Variants in NSMCE2 observed in about 807,000 individuals in gnomAD.
NSMCE2 encodes the protein E3 SUMO-protein ligase NSE2.
In NSMCE2, 24 loss-of-function variants were observed where a neutral mutation model predicts 23.8. The observed-to-expected ratio is 1.01, with a 90% CI of 0.73 to 1.42. NSMCE2 has a LOEUF of 1.42. NSMCE2 is among the 40% of genes most tolerant of loss of function. The pLI is 0.00. For missense variants in NSMCE2, 284 were observed against 296.5 expected (o/e 0.96, Z 0.31); for synonymous variants, 92 against 94.1 (o/e 0.98, Z 0.13).
chr8:125,182,032 C>T, intron 4 of NSMCE2, 71 bp from the exon 5 acceptor site: 1 of 1,137,418 alleles, frequency 8.8e-7, no homozygotes, highest in Non-Finnish European at 1.3e-6. Flanking sequence ...GAGATAAAAA[C>T]AATGTTGCAA....
chr8:125,114,037 T>C (rs1818883060), intron 3 of NSMCE2, among the ~76,000 whole-genome samples: 1 of 152,202 alleles, frequency 6.6e-6, no homozygotes, highest in Non-Finnish European at 1.5e-5. Context: ...GATTGTATTC[T>C]CAAGAAGTTA....
intron 5 of NSMCE2, among the ~76,000 whole-genome samples, chr8:125,290,052 A>G (rs962374162): frequency 6.6e-6 from 1 of 152,230 alleles, no homozygotes; most frequent in Admixed American, 6.5e-5. Flanking sequence ...AGTCTGTATT[A>G]CAAAATCACT....
chr8:125,169,562 AT>A (rs1403122729), intron 4 of NSMCE2, among the ~76,000 whole-genome samples: 1 of 151,944 alleles, frequency 6.6e-6, no homozygotes, highest in African/African-American at 2.4e-5. Context: ...AGCTCTTCAC[AT>A]TTTACATTCC....
In NSMCE2 at chr8:125,225,498, G is replaced by C. The variant is rs150260615; in HGVS notation, c.418+43242G>C. ...AGCTGCAAAAAGAGGTTGAAGAAGTGAAAATCATCAGCTCACCCTGTTTGC... is the reference window on the plus strand; with the variant it reads ...AGCTGCAAAAAGAGGTTGAAGAAGTCAAAATCATCAGCTCACCCTGTTTGC... On this transcript the variant is annotated intron_variant, in intron 5 of 7. Transcript: ENST00000287437. Among the ~76,000 whole-genome samples, 4 of 152,306 alleles carry C rather than the reference G, an allele frequency of 2.6e-5. No homozygotes were observed. The East Asian group carries it at 7.7e-4, about 29-fold the overall frequency.
Position 125,120,652 on chromosome 8 carries a change from G to A in NSMCE2, c.157+18165G>A, listed in dbSNP as rs1326066827. Among the ~76,000 whole-genome samples, 4 of 152,058 alleles carry A rather than the reference G, an allele frequency of 2.6e-5. No individual in the cohort carries two copies. In the East Asian group the frequency reaches 7.7e-4, roughly 29 times the overall value. ...GTACTCTAGTTGCTATAAACAATTA[G>A]GCCTGTCAGCAATTGACCTTGGAAA... On this transcript the variant is annotated intron_variant, in intron 3 of 7. Coordinates refer to ENST00000287437, the MANE Select transcript of NSMCE2 (RefSeq NM_173685.4).
chr8:125,131,656 C>T (rs1235923637), intron 3 of NSMCE2, among the ~76,000 whole-genome samples: 1 of 152,110 alleles, frequency 6.6e-6, no homozygotes, highest in Non-Finnish European at 1.5e-5. Context: ...GAGATTATGT[C>T]TCTTTGAAAC....
At chr8:125,313,432 G>T (rs963600271) in intron 5 of NSMCE2, among the ~76,000 whole-genome samples, 5 of 152,106 alleles carry the variant, frequency 3.3e-5, no homozygotes, top group African/African-American at 1.2e-4. Context: ...TCTAAAAATG[G>T]CACGTGGAAA....
intron 3 of NSMCE2, among the ~76,000 whole-genome samples, chr8:125,120,969 C>T (rs1004441252): frequency 1.2e-4 from 19 of 152,164 alleles, no homozygotes; most frequent in Admixed American, 6.5e-5. Flanking sequence ...TCTGCCATAA[C>T]GAAGGTTGAT....
At chr8:125,322,684 A>G (rs541127589) in intron 5 of NSMCE2, among the ~76,000 whole-genome samples, 2 of 152,370 alleles carry the variant, frequency 1.3e-5, no homozygotes, top group Admixed American at 1.3e-4. Context: ...TTTGCAGATA[A>G]CATGATCATC....
At chr8:125,257,826 G>T (rs933087560) in intron 5 of NSMCE2, among the ~76,000 whole-genome samples, 1 of 152,030 alleles carries the variant, frequency 6.6e-6, no homozygotes. Context: ...GAGCCACCGT[G>T]CCCGGCCAGA....
chr8:125,284,873 T>C (rs796843023), intron 5 of NSMCE2, among the ~76,000 whole-genome samples: 1 of 152,352 alleles, frequency 6.6e-6, no homozygotes, highest in African/African-American at 2.4e-5. Flanking sequence ...ACCTAATTAG[T>C]AGGCATTCTT....
At chr8:125,162,975 G>A (rs900423919) in intron 4 of NSMCE2, among the ~76,000 whole-genome samples, 1 of 152,186 alleles carries the variant, frequency 6.6e-6, no homozygotes, top group Non-Finnish European at 1.5e-5. Context: ...CAAGTGACTG[G>A]TGTAGACTGG....
rs115380723 is a variant in NSMCE2, at chr8:125,312,779, G to A, written c.419-44440G>A. On this transcript the variant is annotated intron_variant, in intron 5 of 7. Transcript: ENST00000287437. ...AAGGGCCTTGAGCCTTTTGTCCAGT[G>A]GCAGGATGGGGTGGGGTGAGCAGGA... Among the ~76,000 whole-genome samples, 967 of 152,270 alleles carry A rather than the reference G, an allele frequency of 6.4e-3. 5 individuals carry two copies. The highest frequency in any genetic ancestry group is 0.022 in the African/African-American group (901 of 41,542).
At chr8:125,307,995 A>G (rs1004130549) in intron 5 of NSMCE2, among the ~76,000 whole-genome samples, 1 of 152,120 alleles carries the variant, frequency 6.6e-6, no homozygotes, top group South Asian at 2.1e-4. Flanking sequence ...CAAATCTGAC[A>G]ACACTGTGTC....
At chr8:125,303,526 C>T (rs533283672) in intron 5 of NSMCE2, among the ~76,000 whole-genome samples, 9 of 152,192 alleles carry the variant, frequency 5.9e-5, no homozygotes, top group South Asian at 2.1e-4. Flanking sequence ...TTATTTTGTG[C>T]GAAGTATAAT....
At chr8:125,108,116 A>C (rs1393620304) in intron 3 of NSMCE2, among the ~76,000 whole-genome samples, 3 of 152,162 alleles carry the variant, frequency 2.0e-5, no homozygotes, top group Non-Finnish European at 4.4e-5. Context: ...TTACGATGAA[A>C]ATAGTTTTGA....
At chr8:125,097,270 G>C (rs1229471508) in intron 1 of NSMCE2, among the ~76,000 whole-genome samples, 1 of 152,052 alleles carries the variant, frequency 6.6e-6, no homozygotes, top group African/African-American at 2.4e-5. Flanking sequence ...TTTGTTTCAG[G>C]TCTTGATTTT....
At chr8:125,105,977 ACAGAGTCACCAGGAGC>A (rs1818438218) in intron 3 of NSMCE2, among the ~76,000 whole-genome samples, 1 of 152,174 alleles carries the variant, frequency 6.6e-6, no homozygotes, top group Non-Finnish European at 1.5e-5. Context: ...TTAGACAGAC[ACAGAGTCACCAGGAGC>A]CTGGACTTCT....
At chr8:125,299,532 G>A (rs1054738294) in intron 5 of NSMCE2, among the ~76,000 whole-genome samples, 1 of 152,072 alleles carries the variant, frequency 6.6e-6, no homozygotes, top group African/African-American at 2.4e-5. Flanking sequence ...GAACAGCATG[G>A]GGGAAACAGC....
Sources: gnomAD v4.1 joint callset for allele counts (sites outside exome capture counted in the v4.1 genomes callset) on GRCh38, gnomAD v4.1.1 for gene constraint, MANE v1.5 for transcripts, NCBI Gene and HGNC (gene_info 2026-07-23, HGNC 2026-07-21) for gene names.